The following PAK1 variants were observed in gnomAD, a reference collection of about 807,000 sequenced individuals.
The protein encoded by PAK1 is p21 (RAC1) activated kinase 1.
A neutral mutation model predicts 67.4 loss-of-function variants in PAK1; 29 were observed. The ratio of observed to expected loss-of-function variants is 0.43; its 90% CI spans 0.32 to 0.59. PAK1 has a LOEUF of 0.59. PAK1 is among the 20% of genes least tolerant of loss of function. The pLI is 0.07. For missense variants in PAK1, 337 were observed against 670.7 expected (o/e 0.50, Z 5.50); for synonymous variants, 223 against 237.4 (o/e 0.94, Z 0.56).
intron 1 of PAK1, among the ~76,000 whole-genome samples, chr11:77,450,019 T>G (rs551161906): frequency 2.0e-5 from 3 of 152,312 alleles, no homozygotes; most frequent in African/African-American, 7.2e-5. Context: ...GCAAGTCATT[T>G]CCTTTCATCT....
At chr11:77,439,127 G>A (rs1347754769) in intron 1 of PAK1, among the ~76,000 whole-genome samples, 1 of 152,142 alleles carries the variant, frequency 6.6e-6, no homozygotes, top group Admixed American at 6.5e-5. Context: ...TAGGACTTTG[G>A]CTTTTAAGCC....
intron 1 of PAK1, among the ~76,000 whole-genome samples, chr11:77,436,468 T>C (rs530140420): frequency 6.6e-6 from 1 of 152,304 alleles, no homozygotes; most frequent in South Asian, 2.1e-4. Flanking sequence ...CTATATAATC[T>C]TGACTAAGTC....
chr11:77,431,055 C>T (rs1430271268), intron 1 of PAK1, among the ~76,000 whole-genome samples: 1 of 152,118 alleles, frequency 6.6e-6, no homozygotes, highest in Non-Finnish European at 1.5e-5. Context: ...GCATTTGCAT[C>T]ATTCTGAACC....
the PAK1 span, among the ~76,000 whole-genome samples, chr11:77,509,121 A>ATG: frequency 6.6e-6 from 1 of 151,454 alleles, no homozygotes; most frequent in Admixed American, 6.6e-5. Context: ...AGCTGGGTGC[A>ATG]GTGGTGAGGG....
intron 2 of PAK1, among the ~76,000 whole-genome samples, chr11:77,387,333 A>T (rs1243232287): frequency 4.6e-5 from 7 of 152,188 alleles, no homozygotes; most frequent in African/African-American, 1.7e-4. Context: ...TCGGCCTCCC[A>T]AACTTCTGGG....
rs189608988 is a variant in PAK1 at position 77,453,303 on chromosome 11, G to A, written c.-22+20249C>T. Among the ~76,000 whole-genome samples the A allele has an allele frequency of 1.7e-3, 261 of 152,178 alleles. 1 individual carries two copies. The highest frequency in any genetic ancestry group is 5.8e-3 in the African/African-American group (242 of 41,514). The stretch of plus-strand genomic sequence containing the variant: ...CAGGCAGCAGAGGTTTCAGTGAGCC[G>A]AGATCGCGCCATTGCACTCCAGCCT... On this transcript the variant is annotated intron_variant, in intron 1 of 14. Transcript: ENST00000356341.
the PAK1 span, among the ~76,000 whole-genome samples, chr11:77,502,978 T>C: frequency 1.3e-5 from 2 of 152,210 alleles, no homozygotes; most frequent in Non-Finnish European, 2.9e-5. Flanking sequence ...AATTAACTTA[T>C]GGAGGAAAAC....
At chr11:77,439,884 T>C (rs1430540879) in intron 1 of PAK1, among the ~76,000 whole-genome samples, 1 of 152,188 alleles carries the variant, frequency 6.6e-6, no homozygotes, top group Non-Finnish European at 1.5e-5. Context: ...CAGCAGTACC[T>C]AAGCTCAAGG....
At chr11:77,331,134 A>G (rs1382683647) in intron 14 of PAK1, among the ~76,000 whole-genome samples, 1 of 152,246 alleles carries the variant, frequency 6.6e-6, no homozygotes, top group Non-Finnish European at 1.5e-5. Context: ...GTCAGGAAAC[A>G]ACACGTGCTG....
chr11:77,365,865 C>A (rs1326958118), intron 5 of PAK1, among the ~76,000 whole-genome samples: 1 of 151,694 alleles, frequency 6.6e-6, no homozygotes, highest in Non-Finnish European at 1.5e-5. Flanking sequence ...AAAAATAACA[C>A]CTAAACGCAC....
chr11:77,323,446 T>C (rs568329007), intron 14 of PAK1, 86 bp from the exon 15 acceptor site: 2 of 889,714 alleles, frequency 2.2e-6, no homozygotes, highest in South Asian at 1.4e-5. Context: ...GCATCTTTGT[T>C]TGTAAAGGGT....
chr11:77,351,739 T>G (rs532669048), intron 8 of PAK1, among the ~76,000 whole-genome samples: 11 of 151,772 alleles, frequency 7.2e-5, no homozygotes, highest in African/African-American at 2.7e-4. Flanking sequence ...AATTCTTGGG[T>G]GTATAATTTA....
the PAK1 span, among the ~76,000 whole-genome samples, chr11:77,529,678 T>C: frequency 3.3e-5 from 5 of 152,150 alleles, no homozygotes; most frequent in African/African-American, 9.7e-5. Context: ...ACTCCCAGAC[T>C]ACAGAATCAG....
chr11:77,528,966 G>GTACA, the PAK1 span, among the ~76,000 whole-genome samples: 1 of 152,132 alleles, frequency 6.6e-6, no homozygotes, highest in South Asian at 2.1e-4. Context: ...TGCAAAGGTG[G>GTACA]TACAGTAGGT....
chr11:77,489,871 C>A, the PAK1 span, among the ~76,000 whole-genome samples: 3 of 152,212 alleles, frequency 2.0e-5, no homozygotes, highest in Admixed American at 2.0e-4. Flanking sequence ...CGGCCACCAC[C>A]CCGTCTGGGA....
intron 1 of PAK1, among the ~76,000 whole-genome samples, chr11:77,459,118 T>C (rs574710584): frequency 2.6e-5 from 4 of 152,264 alleles, no homozygotes; most frequent in African/African-American, 4.8e-5. Context: ...TTTAGAGAGA[T>C]AGAGTAGGGT....
intron 7 of PAK1, 128 bp downstream of exon 7, chr11:77,355,540 G>T: frequency 2.8e-6 from 2 of 714,692 alleles, no homozygotes; most frequent in East Asian, 2.5e-5. Flanking sequence ...AGGGTGAGGA[G>T]AAGCAGTCTG....
chr11:77,463,348 C>G (rs1005767567), intron 1 of PAK1, among the ~76,000 whole-genome samples: 6 of 151,948 alleles, frequency 3.9e-5, no homozygotes, highest in Non-Finnish European at 8.8e-5. Flanking sequence ...TGCACATACT[C>G]CCCTGCCAAT....
intron 9 of PAK1, among the ~76,000 whole-genome samples, chr11:77,347,257 T>C (rs1039596909): frequency 7.9e-5 from 12 of 152,104 alleles, no homozygotes; most frequent in South Asian, 2.1e-4. Context: ...CATCATCACC[T>C]ACCTGCCTCC....
Sources: allele counts gnomAD v4.1 joint callset (sites outside exome capture counted in the v4.1 genomes callset), GRCh38; gene constraint gnomAD v4.1.1; transcripts MANE v1.5; gene names NCBI Gene and HGNC (gene_info 2026-07-23, HGNC 2026-07-21).